STK39: variants seen among roughly 807,000 people sequenced by gnomAD.
STK39 encodes the protein serine/threonine kinase 39.
STK39 carries 20 observed loss-of-function variants against 77.8 expected under a neutral mutation model. That is an observed-to-expected ratio of 0.26 (90% CI 0.18 to 0.37). STK39 has a LOEUF of 0.37. Among genes scored for constraint, STK39 ranks in the 10% least tolerant of loss-of-function variants. The probability of loss-of-function intolerance (pLI) is 1.00; values close to 1 mark genes in which losing one functional copy is unlikely to be tolerated. For synonymous variants in STK39, 246 were observed against 234.1 expected (o/e 1.05, Z -0.47); for missense variants, 479 against 656.5 (o/e 0.73, Z 2.95).
intron 10 of STK39, among the ~76,000 whole-genome samples, chr2:168,119,598 T>A (rs1193089185): frequency 1.3e-5 from 2 of 152,184 alleles, no homozygotes; most frequent in Non-Finnish European, 2.9e-5. Context: ...AGTAGGGACC[T>A]AACACCCCTT....
chr2:167,956,718 T>A (rs1559032377), intron 17 of STK39, among the ~76,000 whole-genome samples: 23 of 55,912 alleles, frequency 4.1e-4, no homozygotes, highest in South Asian at 9.0e-4. Flanking sequence ...TCTCTCTCTC[T>A]CTCTCTCTCT....
At chr2:168,205,923 G>T (rs988767061) in intron 1 of STK39, among the ~76,000 whole-genome samples, 4 of 152,146 alleles carry the variant, frequency 2.6e-5, no homozygotes, top group Non-Finnish European at 5.9e-5. Context: ...TTTTGAAAAA[G>T]TGTCTCAGTA....
chr2:168,091,374 C>T (rs1166531477), intron 10 of STK39, among the ~76,000 whole-genome samples: 1 of 152,220 alleles, frequency 6.6e-6, no homozygotes, highest in African/African-American at 2.4e-5. Flanking sequence ...ATGTCTCTCT[C>T]ATTCAAAACT....
intron 1 of STK39, among the ~76,000 whole-genome samples, chr2:168,204,451 T>C (rs1348194065): frequency 6.6e-6 from 1 of 151,406 alleles, no homozygotes; most frequent in Non-Finnish European, 1.5e-5. Context: ...GAAACAAGAG[T>C]CAAGTTACAG....
At chr2:168,166,722 T>C (rs1180253711) in intron 3 of STK39, among the ~76,000 whole-genome samples, 2 of 152,238 alleles carry the variant, frequency 1.3e-5, no homozygotes, top group Non-Finnish European at 2.9e-5. Flanking sequence ...ACTAGCCACA[T>C]GTCAAGTGCT....
intron 1 of STK39, among the ~76,000 whole-genome samples, chr2:168,193,517 A>G (rs1689392709): frequency 6.6e-6 from 1 of 152,184 alleles, no homozygotes; most frequent in East Asian, 1.9e-4. Context: ...AGGGCACGGA[A>G]CACCTGCTAA....
At chr2:168,114,970 C>G (rs1687221000) in intron 10 of STK39, among the ~76,000 whole-genome samples, 1 of 152,172 alleles carries the variant, frequency 6.6e-6, no homozygotes, top group South Asian at 2.1e-4. Flanking sequence ...AAAACGGCTT[C>G]AATACGTTTT....
intron 8 of STK39, among the ~76,000 whole-genome samples, chr2:168,133,856 T>TA (rs5836171): frequency 0.47 from 69,537 of 148,732 alleles, 15,989 homozygotes; most frequent in East Asian, 0.5. Context: ...AGACTCTGTC[T>TA]AAAAAAAAAA....
chr2:167,989,048 C>A (rs1448830), intron 16 of STK39, among the ~76,000 whole-genome samples: 76,251 of 151,928 alleles, frequency 0.5, 20,062 homozygotes, highest in Non-Finnish European at 0.56. Flanking sequence ...TGTTATTTTT[C>A]TTTCTCCATA....
At chr2:168,038,063 G>C (rs1032317561) in intron 14 of STK39, among the ~76,000 whole-genome samples, 2 of 152,118 alleles carry the variant, frequency 1.3e-5, no homozygotes, top group Non-Finnish European at 2.9e-5. Context: ...AAATAGGTGT[G>C]GTTTAGTTGA....
At chr2:168,051,601 A>G (rs1175566646) in intron 14 of STK39, among the ~76,000 whole-genome samples, 3 of 152,150 alleles carry the variant, frequency 2.0e-5, no homozygotes, top group Admixed American at 6.5e-5. Flanking sequence ...AGAGGAGAGC[A>G]AGGAGGCCCT....
At chr2:168,112,237 G>A (rs1260747876) in intron 10 of STK39, among the ~76,000 whole-genome samples, 1 of 152,110 alleles carries the variant, frequency 6.6e-6, no homozygotes, top group African/African-American at 2.4e-5. Flanking sequence ...AAGAGGACAG[G>A]TTCAGAGCAG....
intron 14 of STK39, among the ~76,000 whole-genome samples, chr2:168,030,731 T>C (rs1027448872): frequency 1.3e-5 from 2 of 152,216 alleles, no homozygotes; most frequent in Non-Finnish European, 2.9e-5. Context: ...AAAAGGCCTG[T>C]AAGTAACTGC....
intron 15 of STK39, among the ~76,000 whole-genome samples, chr2:168,012,954 T>C (rs1684308794): frequency 6.6e-6 from 1 of 152,260 alleles, no homozygotes; most frequent in Admixed American, 6.5e-5. Context: ...AAAAAACTTG[T>C]GCCCTCTGGC....
chr2:168,018,538 A>AAAAGAAAGAAAAGAAAGAAAGAAAGAAAG, intron 14 of STK39, among the ~76,000 whole-genome samples: 1 of 85,490 alleles, frequency 1.2e-5, no homozygotes. Flanking sequence ...GAAAAGAAAG[A>AAAAGAAAGAAAAGAAAGAAAGAAAGAAAG]AAAGAAAGAA....
chr2:168,184,915 G>A (rs887851020), intron 1 of STK39, among the ~76,000 whole-genome samples: 1 of 152,178 alleles, frequency 6.6e-6, no homozygotes, highest in Non-Finnish European at 1.5e-5. Context: ...GAAAGGAAAG[G>A]AGGTGACCTA....
chr2:168,113,633 T>C (rs1687177471), intron 10 of STK39, among the ~76,000 whole-genome samples: 1 of 152,244 alleles, frequency 6.6e-6, no homozygotes, highest in Non-Finnish European at 1.5e-5. Context: ...AACTTAGCAA[T>C]ATGGCTTCCT....
At chr2:168,090,268 A>G (rs1331674527) in intron 10 of STK39, among the ~76,000 whole-genome samples, 1 of 150,976 alleles carries the variant, frequency 6.6e-6, no homozygotes, top group Non-Finnish European at 1.5e-5. Flanking sequence ...TCCTGCATTT[A>G]GTAGGGACCA....
intron 14 of STK39, among the ~76,000 whole-genome samples, chr2:168,031,613 C>T (rs1684834984): frequency 6.6e-6 from 1 of 152,136 alleles, no homozygotes; most frequent in Non-Finnish European, 1.5e-5. Context: ...CCTAATCCAA[C>T]AGGACAGGTG....
Sources: allele counts gnomAD v4.1 joint callset (sites outside exome capture counted in the v4.1 genomes callset), GRCh38; gene constraint gnomAD v4.1.1; transcripts MANE v1.5; gene names NCBI Gene and HGNC (gene_info 2026-07-23, HGNC 2026-07-21).